PTPRD: variants seen among roughly 807,000 people sequenced by gnomAD.
The protein encoded by PTPRD is receptor-type tyrosine-protein phosphatase delta.
A neutral mutation model predicts 214.5 loss-of-function variants in PTPRD; 34 were observed. The observed-to-expected ratio is 0.16, with a 90% confidence interval of 0.12 to 0.21. The LOEUF (loss-of-function observed/expected upper bound fraction) is 0.21. Ranked by LOEUF, PTPRD falls within the 10% of genes least tolerant of loss-of-function variation. PTPRD has a pLI of 1.00. For missense variants in PTPRD, 2,545 were observed against 2,398.7 expected (o/e 1.06, Z -1.27); for synonymous variants, 1,128 against 845.7 (o/e 1.33, Z -5.79).
At chr9:10,060,141 C>A (rs1220567276) in intron 3 of PTPRD, among the ~76,000 whole-genome samples, 1 of 151,980 alleles carries the variant, frequency 6.6e-6, no homozygotes, top group East Asian at 1.9e-4. Context: ...TCTACCAAAG[C>A]AAAACCTCCT....
chr9:10,604,571 C>G (rs1163326179), intron 2 of PTPRD, among the ~76,000 whole-genome samples: 1 of 151,816 alleles, frequency 6.6e-6, no homozygotes, highest in South Asian at 2.1e-4. Flanking sequence ...AGCCTTGTTG[C>G]TTGCAACCAC....
At chr9:9,739,220 T>C (rs1279434690) in intron 6 of PTPRD, among the ~76,000 whole-genome samples, 2 of 152,180 alleles carry the variant, frequency 1.3e-5, no homozygotes, top group Admixed American at 1.3e-4. Flanking sequence ...AATACAACAC[T>C]GAATACAAGT....
intron 8 of PTPRD, among the ~76,000 whole-genome samples, chr9:9,482,816 T>A (rs953973909): frequency 4.6e-5 from 7 of 152,192 alleles, no homozygotes; most frequent in Admixed American, 3.3e-4. Context: ...TTGTTCTATA[T>A]TTTACTGAAG....
At chr9:8,940,924 A>G (rs2099030206) in intron 11 of PTPRD, among the ~76,000 whole-genome samples, 1 of 152,224 alleles carries the variant, frequency 6.6e-6, no homozygotes, top group African/African-American at 2.4e-5. Context: ...CTTGAGCCCA[A>G]GTTGCACCAC....
intron 2 of PTPRD, among the ~76,000 whole-genome samples, chr9:10,565,347 G>A (rs567269320): frequency 4.6e-5 from 7 of 151,864 alleles, no homozygotes; most frequent in African/African-American, 1.7e-4. Flanking sequence ...AATATTCCTT[G>A]GTGGTTCATA....
chr9:10,260,692 C>T (rs573236398), intron 3 of PTPRD, among the ~76,000 whole-genome samples: 1 of 152,212 alleles, frequency 6.6e-6, no homozygotes, highest in East Asian at 1.9e-4. Context: ...GAATATTCTA[C>T]ATTCCTCAAG....
intron 11 of PTPRD, among the ~76,000 whole-genome samples, chr9:8,922,907 C>T (rs1012827723): frequency 6.6e-6 from 1 of 151,808 alleles, no homozygotes; most frequent in Non-Finnish European, 1.5e-5. Context: ...TTGTGATCCA[C>T]CCACCTCAGC....
intron 27 of PTPRD, among the ~76,000 whole-genome samples, chr9:8,490,037 C>A (rs1171889841): frequency 6.6e-6 from 1 of 152,116 alleles, no homozygotes; most frequent in Non-Finnish European, 1.5e-5. Context: ...TAGGGTTATT[C>A]TGTAGACTAC....
chr9:10,551,124 A>G (rs1245088325), intron 2 of PTPRD, among the ~76,000 whole-genome samples: 1 of 152,142 alleles, frequency 6.6e-6, no homozygotes, highest in Non-Finnish European at 1.5e-5. Flanking sequence ...ACTTGAGGCC[A>G]GAAGTCCAAG....
chr9:8,382,054 T>C (rs1450591764), intron 37 of PTPRD, among the ~76,000 whole-genome samples: 1 of 152,230 alleles, frequency 6.6e-6, no homozygotes, highest in Non-Finnish European at 1.5e-5. Flanking sequence ...CCTCTGCTTC[T>C]GCCTTGGTCT....
intron 12 of PTPRD, among the ~76,000 whole-genome samples, chr9:8,672,843 G>T (rs1171115866): frequency 6.8e-6 from 1 of 147,630 alleles, no homozygotes; most frequent in African/African-American, 2.5e-5. Flanking sequence ...TTTGTACTCT[G>T]TGTGGGGGGG....
At chr9:9,699,145 C>T (rs192834882) in intron 7 of PTPRD, among the ~76,000 whole-genome samples, 13 of 152,002 alleles carry the variant, frequency 8.6e-5, no homozygotes, top group Admixed American at 4.6e-4. Context: ...TGGCTATTTT[C>T]GTTGTGGTTA....
rs143375016 is a variant in PTPRD at position 10,058,773 on chromosome 9, T to C, written c.-544-24983A>G. Among the ~76,000 whole-genome samples, 122 of 152,236 alleles carry C rather than the reference T, an allele frequency of 8.0e-4. 2 individuals are homozygous for C. The South Asian group carries it at 0.023, about 28-fold the overall frequency. On this transcript the variant is annotated intron_variant, in intron 3 of 45. Transcript: ENST00000381196. The stretch of plus-strand genomic sequence containing the variant: ...ATCCCCTGCTCAGTCACAGCACCTA[T>C]ATTTCCCAGGCGCTGGATAGGCACC...
chr9:8,899,826 T>C (rs1488313281), intron 11 of PTPRD, among the ~76,000 whole-genome samples: 2 of 152,076 alleles, frequency 1.3e-5, no homozygotes, highest in African/African-American at 2.4e-5. Context: ...CCTTTGAGAG[T>C]AGAGTAAAAT....
At chr9:10,506,783 A>G (rs2046130544) in intron 2 of PTPRD, among the ~76,000 whole-genome samples, 1 of 152,112 alleles carries the variant, frequency 6.6e-6, no homozygotes, top group Non-Finnish European at 1.5e-5. Context: ...ATATTTTAGA[A>G]TGTATTTTTG....
intron 6 of PTPRD, among the ~76,000 whole-genome samples, chr9:9,742,547 A>G (rs538187537): frequency 6.6e-6 from 1 of 152,154 alleles, no homozygotes; most frequent in Non-Finnish European, 1.5e-5. Flanking sequence ...GAATGAGGAT[A>G]TGGGTTAAGG....
chr9:10,526,659 T>C (rs2054379661), intron 2 of PTPRD, among the ~76,000 whole-genome samples: 1 of 152,094 alleles, frequency 6.6e-6, no homozygotes, highest in South Asian at 2.1e-4. Flanking sequence ...TTAATTTAAT[T>C]ATCTTTCAAT....
At chr9:10,029,998 A>G (rs2097024201) in intron 4 of PTPRD, among the ~76,000 whole-genome samples, 1 of 152,130 alleles carries the variant, frequency 6.6e-6, no homozygotes, top group African/African-American at 2.4e-5. Flanking sequence ...AAGTCTCATA[A>G]GATCTGATGG....
intron 2 of PTPRD, among the ~76,000 whole-genome samples, chr9:10,586,911 T>C (rs73398207): frequency 6.6e-6 from 1 of 152,024 alleles, no homozygotes; most frequent in Non-Finnish European, 1.5e-5. Flanking sequence ...CAACACACTT[T>C]TGCTTATCAT....
Sources: gnomAD v4.1 joint callset for allele counts (sites outside exome capture counted in the v4.1 genomes callset) on GRCh38, gnomAD v4.1.1 for gene constraint, MANE v1.5 for transcripts, NCBI Gene and HGNC (gene_info 2026-07-23, HGNC 2026-07-21) for gene names.